Variants in ABCA12 observed in about 807,000 individuals in gnomAD.
The protein encoded by ABCA12 is glucosylceramide transporter ABCA12.
Under a neutral mutation model 293.5 loss-of-function variants are expected in ABCA12, and 156 were observed. The observed-to-expected ratio is 0.53, with a 90% CI of 0.47 to 0.61. The LOEUF is 0.61. Among genes scored for constraint, ABCA12 ranks in the 20% least tolerant of loss-of-function variants. The pLI is 0.00. For missense variants in ABCA12, 2,797 were observed against 3,090.2 expected (o/e 0.91, Z 2.25); for synonymous variants, 1,063 against 1,108.0 (o/e 0.96, Z 0.81).
intron 8 of ABCA12, among the ~76,000 whole-genome samples, chr2:215,035,514 A>T (rs1700972285): frequency 6.6e-6 from 1 of 151,882 alleles, no homozygotes; most frequent in Non-Finnish European, 1.5e-5. Context: ...CTAAAAATAC[A>T]AAAAAGTAGC....
chr2:215,012,034 C>A lies in ABCA12; in HGVS notation c.2058G>T (p.Pro686=). The A allele has an allele frequency of 6.2e-7, 1 of 1,613,854 alleles. No individual in the cohort carries two copies. The highest frequency in any genetic ancestry group is 8.5e-7 in the Non-Finnish European group (1 of 1,179,888). Residue 686 remains proline (P), a synonymous_variant, in exon 16 of 53, where the codon CCG becomes CCT. Coordinates refer to ENST00000272895, the MANE Select transcript of ABCA12 (RefSeq NM_173076.3). ...TCAGGGATCTCATTTTGTCTAGCAG[C>A]GGATGTGTGCCAGAAGCCATCTGAT... The part of the protein sequence containing the change: ...ILNQMASGTH[P]LLDKMRSLKQ...
chr2:215,132,792 C>G (rs920729529), intron 1 of ABCA12, among the ~76,000 whole-genome samples: 1 of 151,956 alleles, frequency 6.6e-6, no homozygotes, highest in Non-Finnish European at 1.5e-5. Flanking sequence ...TTAGCTAGTT[C>G]TTTTGAGGTT....
chr2:214,939,800 G>T lies in ABCA12; in HGVS notation c.7437-2185C>A, dbSNP rs903350124. Among the ~76,000 whole-genome samples, 4 of 152,262 alleles carry T rather than the reference G, an allele frequency of 2.6e-5. No individual in the cohort carries two copies. The East Asian group carries it at 7.7e-4, about 29-fold the overall frequency. ...GTGTATAGGAATGCTTGTGATTCTT[G>T]CACATTGATTTTGTATCTTGAGACT... On this transcript the variant is annotated intron_variant, in intron 50 of 52. Coordinates refer to ENST00000272895, the MANE Select transcript of ABCA12 (RefSeq NM_173076.3).
At chr2:215,126,546 G>T (rs1410169117) in intron 1 of ABCA12, among the ~76,000 whole-genome samples, 1 of 152,022 alleles carries the variant, frequency 6.6e-6, no homozygotes, top group Non-Finnish European at 1.5e-5. Context: ...TATTTTTCCA[G>T]GAATTTCTCC....
chr2:215,093,479 T>C (rs1165920498), intron 2 of ABCA12, among the ~76,000 whole-genome samples: 1 of 152,146 alleles, frequency 6.6e-6, no homozygotes, highest in African/African-American at 2.4e-5. Context: ...CAACTCTTTT[T>C]CATTACACAC....
intron 1 of ABCA12, 98 bp from the exon 2 acceptor site, chr2:215,111,788 C>T: frequency 1.2e-6 from 1 of 858,090 alleles, no homozygotes; most frequent in East Asian, 2.5e-5. Flanking sequence ...AATATTTCAA[C>T]ACAAGCTGAA....
Position 215,010,291 on chromosome 2 carries a change from C to G in ABCA12, c.2472+40G>C. The G allele has an allele frequency of 3.7e-6, 6 of 1,611,434 alleles. 1 individual carries two copies. In the South Asian group the frequency reaches 4.4e-5, roughly 12 times the overall value. ...GGAAGTTGACTACTTTAAAAAACATCTTAATAGTCAAAATAGAAACTGAGT... is the reference window on the plus strand; with the variant it reads ...GGAAGTTGACTACTTTAAAAAACATGTTAATAGTCAAAATAGAAACTGAGT... On this transcript the variant is annotated intron_variant, in intron 18 of 52. Coordinates refer to ENST00000272895, the MANE Select transcript of ABCA12 (RefSeq NM_173076.3).
rs34394993 is a variant in ABCA12 at position 215,106,748 on chromosome 2, C to CAAA, written c.163+4846_163+4848dup. On this transcript the variant is annotated intron_variant, in intron 2 of 52. Coordinates refer to ENST00000272895, the MANE Select transcript of ABCA12 (RefSeq NM_173076.3). Reference sequence around the variant, plus strand: ...GAAGATAAAGGGTATGCTTTGGAGGCAAAAAAAAAAAAAAAAAGTCAGGCT... The same window carrying CAAA: ...GAAGATAAAGGGTATGCTTTGGAGGCAAAAAAAAAAAAAAAAAAAAGTCAGGCT... Among the ~76,000 whole-genome samples, 85 of 101,594 alleles carry CAAA rather than the reference C, an allele frequency of 8.4e-4. 1 individual carries two copies. Among genetic ancestry groups the CAAA allele is most frequent in the African/African-American group, 2.3e-3 (71 of 30,292 alleles). 66.6% of individuals were successfully genotyped at this position (101,594 alleles called of 152,430 possible). A position where few individuals can be genotyped will look rare whatever the true frequency, so the allele number is the denominator to read the frequency against.
At position 214,981,797 on chromosome 2, in the gene ABCA12, A is replaced by G. The variant is rs551060631; in HGVS notation, c.4579+390T>C. ...TTTTTTTTTTTTGAGACAGTATCTCACTCTGTCATCCAGGCTGGAGTGCAG... is the reference window on the plus strand; with the variant it reads ...TTTTTTTTTTTTGAGACAGTATCTCGCTCTGTCATCCAGGCTGGAGTGCAG... On this transcript the variant is annotated intron_variant, in intron 30 of 52. Transcript: ENST00000272895. Among the ~76,000 whole-genome samples the G allele has an allele frequency of 8.6e-5, 10 of 116,192 alleles. No homozygotes were observed. The South Asian group carries it at 2.4e-3, about 28-fold the overall frequency. 76.2% of individuals were successfully genotyped at this position (116,192 alleles called of 152,430 possible).
intron 8 of ABCA12, among the ~76,000 whole-genome samples, chr2:215,034,358 G>T (rs781702439): frequency 1.6e-4 from 24 of 152,180 alleles, no homozygotes; most frequent in Non-Finnish European, 3.2e-4. Flanking sequence ...GTGCTCATAC[G>T]TCAGGGTGGA....
intron 1 of ABCA12, among the ~76,000 whole-genome samples, chr2:215,137,733 GT>G (rs1559216249): frequency 6.6e-6 from 1 of 152,104 alleles, no homozygotes; most frequent in East Asian, 1.9e-4. Flanking sequence ...ATGGCTTTCA[GT>G]TTTCCAGTAT....
At chr2:215,087,024 C>T (rs112126956) in intron 2 of ABCA12, among the ~76,000 whole-genome samples, 8,214 of 151,906 alleles carry the variant, frequency 0.054, 731 homozygotes, top group African/African-American at 0.19. Context: ...CTCACCACAA[C>T]CCCCGCCTCC....
chr2:214,974,743 T>C (rs893518931), intron 35 of ABCA12, 35 bp downstream of exon 35: 2 of 1,604,398 alleles, frequency 1.2e-6, no homozygotes, highest in African/African-American at 1.3e-5. Flanking sequence ...ACTGGAATGC[T>C]GAAAACAAAA....
chr2:215,120,601 G>C (rs1446565379), intron 1 of ABCA12, among the ~76,000 whole-genome samples: 1 of 152,136 alleles, frequency 6.6e-6, no homozygotes, highest in African/African-American at 2.4e-5. Flanking sequence ...TCCACAGATG[G>C]GGAAGAGAAG....
At chr2:215,027,004 G>C (rs1032832724) in intron 9 of ABCA12, 66 bp from the exon 10 acceptor site, 11 of 1,184,464 alleles carry the variant, frequency 9.3e-6, no homozygotes, top group African/African-American at 3.0e-5. Context: ...GTTTTGTTGA[G>C]ATCATTTTGG....
intron 1 of ABCA12, among the ~76,000 whole-genome samples, chr2:215,132,492 CCTTTGT>C (rs1703081536): frequency 6.6e-6 from 1 of 150,518 alleles, no homozygotes; most frequent in Non-Finnish European, 1.5e-5. Context: ...TTACACAATG[CCTTTGT>C]CTTTTTTTTT....
chr2:214,956,852 T>A lies in ABCA12; in HGVS notation c.6118-74A>T, dbSNP rs532761112. 1.4e-5 allele frequency: 15 copies of A among 1,058,822 alleles called. No individual in the cohort carries two copies. In the African/African-American group the frequency reaches 2.2e-4, roughly 16 times the overall value. 65.6% of individuals were successfully genotyped at this position (1,058,822 alleles called of 1,614,324 possible). Reference sequence around the variant, plus strand: ...AAAAAAAAAAAATCAATAACCCATCTAGTTTAAAACTGCAACAAGTTGACC... The same window carrying A: ...AAAAAAAAAAAATCAATAACCCATCAAGTTTAAAACTGCAACAAGTTGACC... On this transcript the variant is annotated intron_variant, in intron 41 of 52. Coordinates refer to ENST00000272895, the MANE Select transcript of ABCA12 (RefSeq NM_173076.3).
intron 2 of ABCA12, among the ~76,000 whole-genome samples, chr2:215,087,073 G>C (rs927810072): frequency 6.6e-6 from 1 of 152,042 alleles, no homozygotes; most frequent in African/African-American, 2.4e-5. Context: ...TTCCCAAGTA[G>C]CTGGGATTAC....
intron 2 of ABCA12, among the ~76,000 whole-genome samples, chr2:215,080,356 G>A (rs756134504): frequency 2.3e-4 from 35 of 152,012 alleles, no homozygotes; most frequent in Admixed American, 2.0e-3. Flanking sequence ...AAAATTAGCC[G>A]GACGTGGTAG....
Sources: allele counts gnomAD v4.1 joint callset (sites outside exome capture counted in the v4.1 genomes callset), GRCh38; gene constraint gnomAD v4.1.1; transcripts MANE v1.5; gene names NCBI Gene and HGNC (gene_info 2026-07-23, HGNC 2026-07-21).